ZBTB20: variants seen among roughly 807,000 people sequenced by gnomAD.
The protein encoded by ZBTB20 is zinc finger and BTB domain-containing protein 20.
In ZBTB20, 9 loss-of-function variants were observed where a neutral mutation model predicts 56.9. The observed-to-expected ratio is 0.16, with a 90% CI of 0.10 to 0.28. The LOEUF is 0.28. Ranked by LOEUF, ZBTB20 falls within the 10% of genes least tolerant of loss-of-function variation. The probability of loss-of-function intolerance (pLI) is 1.00; values close to 1 mark genes in which losing one functional copy is unlikely to be tolerated. For missense variants in ZBTB20, 655 were observed against 1,003.0 expected (o/e 0.65, Z 4.69); for synonymous variants, 417 against 420.7 (o/e 0.99, Z 0.11).
chr3:115,138,273 C>A (rs768075250), intron 1 of ZBTB20, among the ~76,000 whole-genome samples: 10 of 152,012 alleles, frequency 6.6e-5, no homozygotes, highest in African/African-American at 9.7e-5. Flanking sequence ...TAACATGGTA[C>A]CCAGCTCCAC....
rs1560074640 is a variant in ZBTB20, at chr3:114,331,139, A to ATGTGTGTGTG, written c.*7865_*7866insCACACACACA. 3 of 93,402 alleles carry ATGTGTGTGTG rather than the reference A, an allele frequency of 3.2e-5. No homozygotes were observed. Among genetic ancestry groups the ATGTGTGTGTG allele is most frequent in the Non-Finnish European group, 8.4e-5 (3 of 35,892 alleles). The allele number at this position is 93,402 out of a possible 1,614,324, so 5.8% of individuals were successfully genotyped here. ...TGTGTGTGTGTGTGTGTGTGTGTGC[A>ATGTGTGTGTG]CACTGCATTGCATAGAGGAAAGGAA... is the stretch of plus-strand genomic sequence containing the variant. On this transcript the variant is annotated 3_prime_UTR_variant, in exon 12 of 12. Coordinates refer to ENST00000675478, the MANE Select transcript of ZBTB20 (RefSeq NM_001348800.3).
At chr3:114,440,749 C>A (rs571348805) in intron 7 of ZBTB20, among the ~76,000 whole-genome samples, 1 of 152,170 alleles carries the variant, frequency 6.6e-6, no homozygotes, top group Non-Finnish European at 1.5e-5. Context: ...AGAGCTAGTC[C>A]AAAGGCTCTG....
intron 6 of ZBTB20, among the ~76,000 whole-genome samples, chr3:114,669,423 T>G (rs1390167271): frequency 1.3e-5 from 2 of 151,996 alleles, no homozygotes; most frequent in Non-Finnish European, 2.9e-5. Flanking sequence ...GATACCATAC[T>G]AAGGAAAAAA....
At chr3:114,533,375 C>T (rs2048091523) in intron 6 of ZBTB20, among the ~76,000 whole-genome samples, 1 of 151,388 alleles carries the variant, frequency 6.6e-6, no homozygotes, top group African/African-American at 2.4e-5. Flanking sequence ...ATCAATCAAG[C>T]AGAAGAAAGG....
rs555366257 is a variant in ZBTB20, at chr3:114,804,296, G to A, written c.-416-3122C>T. Among the ~76,000 whole-genome samples, 25 of 152,016 alleles carry A rather than the reference G, an allele frequency of 1.6e-4. No individual in the cohort carries two copies. The East Asian group carries it at 4.6e-3, about 28-fold the overall frequency. The stretch of plus-strand genomic sequence containing the variant: ...ATCTTACCATTGACTACGAACAAAG[G>A]GCTGCTTCTGACCACATTCTACTTT... On this transcript the variant is annotated intron_variant, in intron 4 of 11. Transcript: ENST00000675478.
intron 7 of ZBTB20, among the ~76,000 whole-genome samples, chr3:114,426,685 C>T (rs1479854031): frequency 6.6e-6 from 1 of 152,138 alleles, no homozygotes; most frequent in Non-Finnish European, 1.5e-5. Flanking sequence ...GAACATCTTT[C>T]CTTCATTCAG....
rs552949527 is a variant in ZBTB20, at chr3:114,682,626, T to C, written c.-295+10902A>G. On this transcript the variant is annotated intron_variant, in intron 6 of 11. Coordinates refer to ENST00000675478, the MANE Select transcript of ZBTB20 (RefSeq NM_001348800.3). ...CTGAAAGTGATTAGAGAGACTGTGATTGTAAATGTGGTATCAATCACTAAC... is the reference window on the plus strand; with the variant it reads ...CTGAAAGTGATTAGAGAGACTGTGACTGTAAATGTGGTATCAATCACTAAC... Among the ~76,000 whole-genome samples the C allele has an allele frequency of 2.0e-5, 3 of 152,284 alleles. No homozygotes were observed. In the South Asian group the frequency reaches 6.2e-4, roughly 32 times the overall value.
chr3:114,597,232 C>A (rs556690195), intron 6 of ZBTB20, among the ~76,000 whole-genome samples: 5 of 152,108 alleles, frequency 3.3e-5, no homozygotes, highest in African/African-American at 1.2e-4. Flanking sequence ...GGGTTTATTG[C>A]ACGATATTAA....
At position 114,326,218 on chromosome 3, in the gene ZBTB20, TTTAA is replaced by T. The variant is rs1472031538; in HGVS notation, c.*12783_*12786del. ...ATATTAATTAGAAATACCCAAAGAA[TTTAA>T]TTAAACTAATTTATTCCCAGCCTTA... On this transcript the variant is annotated 3_prime_UTR_variant, in exon 12 of 12. Coordinates refer to ENST00000675478, the MANE Select transcript of ZBTB20 (RefSeq NM_001348800.3). The T allele has an allele frequency of 2.6e-5, 4 of 152,200 alleles. No homozygotes were observed. The highest frequency in any genetic ancestry group is 5.9e-5 in the Non-Finnish European group (4 of 68,018). 9.4% of individuals were successfully genotyped at this position (152,200 alleles called of 1,614,324 possible).
At chr3:114,871,023 T>C (rs558917356) in intron 4 of ZBTB20, among the ~76,000 whole-genome samples, 1 of 149,628 alleles carries the variant, frequency 6.7e-6, no homozygotes, top group Non-Finnish European at 1.5e-5. Context: ...CTAGCTGGCA[T>C]GAAGAGAGTT....
intron 2 of ZBTB20, among the ~76,000 whole-genome samples, chr3:115,026,241 C>A (rs963616722): frequency 1.3e-5 from 2 of 150,972 alleles, no homozygotes; most frequent in African/African-American, 4.8e-5. Context: ...TTCCCCTCAT[C>A]TACTTTCTGC....
At chr3:114,546,159 G>A (rs946472107) in intron 6 of ZBTB20, among the ~76,000 whole-genome samples, 1 of 152,212 alleles carries the variant, frequency 6.6e-6, no homozygotes, top group African/African-American at 2.4e-5. Context: ...AGCGGTGGGT[G>A]TAGATGTTTT....
chr3:114,796,749 G>T (rs2071364670), intron 5 of ZBTB20, among the ~76,000 whole-genome samples: 2 of 151,846 alleles, frequency 1.3e-5, no homozygotes, highest in African/African-American at 4.8e-5. Context: ...AAAGCAGGAT[G>T]GTTTTTAAGT....
intron 5 of ZBTB20, among the ~76,000 whole-genome samples, chr3:114,764,252 T>TC (rs1491469987): frequency 6.8e-3 from 15 of 2,220 alleles, no homozygotes; most frequent in African/African-American, 0.011. Flanking sequence ...TCTCTCTCTC[T>TC]TTTTTTTTTT....
intron 1 of ZBTB20, among the ~76,000 whole-genome samples, chr3:115,130,632 T>G (rs1443151538): frequency 6.6e-6 from 1 of 152,220 alleles, no homozygotes; most frequent in Non-Finnish European, 1.5e-5. Context: ...TGGTAGCACG[T>G]GGTCCAAAAT....
intron 5 of ZBTB20, among the ~76,000 whole-genome samples, chr3:114,772,045 T>C (rs1468162703): frequency 6.6e-6 from 1 of 152,170 alleles, no homozygotes; most frequent in African/African-American, 2.4e-5. Flanking sequence ...CCTGCATTTA[T>C]CTCAGCCTTC....
In ZBTB20 at chr3:114,333,078, A is replaced by G. The variant is rs1182290076; in HGVS notation, c.*5927T>C. 1 of 152,210 alleles carries G rather than the reference A, an allele frequency of 6.6e-6. No individual in the cohort carries two copies. The highest frequency in any genetic ancestry group is 1.5e-5 in the Non-Finnish European group (1 of 68,042). The allele number at this position is 152,210 out of a possible 1,614,324, so 9.4% of individuals were successfully genotyped here. On this transcript the variant is annotated 3_prime_UTR_variant, in exon 12 of 12. Transcript: ENST00000675478. ...TGCTATAGACTCAGTGTTCAAGGAG[A>G]AAAAAATCTTCAGAGACTTAGAAAA...
At chr3:115,060,964 T>C (rs979489012) in intron 2 of ZBTB20, among the ~76,000 whole-genome samples, 1 of 152,116 alleles carries the variant, frequency 6.6e-6, no homozygotes, top group Non-Finnish European at 1.5e-5. Context: ...CTTTATTTCA[T>C]CTTTAATATT....
At chr3:114,997,578 G>A (rs753475293) in intron 2 of ZBTB20, among the ~76,000 whole-genome samples, 7 of 151,554 alleles carry the variant, frequency 4.6e-5, no homozygotes, top group Non-Finnish European at 8.9e-5. Flanking sequence ...AAAAAAAATA[G>A]TGAAGGGCTT....
Sources: gnomAD v4.1 joint callset for allele counts (sites outside exome capture counted in the v4.1 genomes callset) on GRCh38, gnomAD v4.1.1 for gene constraint, MANE v1.5 for transcripts, NCBI Gene and HGNC (gene_info 2026-07-23, HGNC 2026-07-21) for gene names.